AHRR: variants seen among roughly 807,000 people sequenced by gnomAD.
AHRR encodes ahR repressor.
AHRR carries 28 observed loss-of-function variants against 44.0 expected under a neutral mutation model. The ratio of observed to expected loss-of-function variants is 0.64; its 90% CI spans 0.47 to 0.87. AHRR has a LOEUF of 0.87. Among genes scored for constraint, AHRR ranks in the 40% least tolerant of loss-of-function variants. AHRR has a pLI of 0.00. For synonymous variants in AHRR, 434 were observed against 407.0 expected (o/e 1.07, Z -0.80); for missense variants, 990 against 953.9 (o/e 1.04, Z -0.50).
intron 3 of AHRR, among the ~76,000 whole-genome samples, chr5:374,818 A>G (rs961396989): frequency 1.3e-5 from 2 of 152,184 alleles, no homozygotes; most frequent in African/African-American, 2.4e-5. Context: ...GGCTCCCAGT[A>G]TGGCCTTTCT....
rs1284731024 is a variant in AHRR at position 387,824 on chromosome 5, C to T, written c.351+11108C>T. The stretch of plus-strand genomic sequence containing the variant: ...ACTGCAAACTGTGTGGCTCGAACAA[C>T]AGGGGTTATTCTTCACAGCCTGGAG... On this transcript the variant is annotated intron_variant, in intron 4 of 10. Coordinates refer to ENST00000684583, the MANE Select transcript of AHRR (RefSeq NM_001377236.1). This position sits in a 1 kb window ranked among gnomAD's most constrained non-coding sequence, Gnocchi z 5.1. Among the ~76,000 whole-genome samples, 2 of 152,226 alleles carry T rather than the reference C, an allele frequency of 1.3e-5. No individual in the cohort carries two copies. The highest frequency in any genetic ancestry group is 2.9e-5 in the Non-Finnish European group (2 of 68,042).
At chr5:352,698 T>C (rs538567380) in intron 2 of AHRR, among the ~76,000 whole-genome samples, 29 of 147,890 alleles carry the variant, frequency 2.0e-4, no homozygotes, top group African/African-American at 7.0e-4. Flanking sequence ...GGATGGTCAC[T>C]GTGAGGTTAA....
At chr5:377,057 T>C (rs1469710441) in intron 4 of AHRR, among the ~76,000 whole-genome samples, 1 of 152,068 alleles carries the variant, frequency 6.6e-6, no homozygotes. Context: ...AAGCCTTTTT[T>C]CCCCCAAAAT....
At position 370,141 on chromosome 5, in the gene AHRR, TGCCCCGTCCTCCCGGGCCCTCGCTGGAA is replaced by T. The variant is rs1743520132; in HGVS notation, c.245-6442_245-6415del. ...CCCCGTCCTCCCGGGCCCTCGCTGG[TGCCCCGTCCTCCCGGGCCCTCGCTGGAA>T]GCCCCGTCCTCCCGGGCCCTCGCTG... On this transcript the variant is annotated intron_variant, in intron 3 of 10. Transcript: ENST00000684583. The surrounding 1 kb of genome is among the most constrained non-coding windows in gnomAD (Gnocchi z 4.5). Among the ~76,000 whole-genome samples, 2 of 105,214 alleles carry T rather than the reference TGCCCCGTCCTCCCGGGCCCTCGCTGGAA, an allele frequency of 1.9e-5. No individual in the cohort carries two copies. The highest frequency in any genetic ancestry group is 4.2e-5 in the Non-Finnish European group (2 of 47,930). 69.0% of individuals were successfully genotyped at this position (105,214 alleles called of 152,430 possible). A position where few individuals can be genotyped will look rare whatever the true frequency, so the allele number is the denominator to read the frequency against.
At chr5:374,253 GC>G (rs1743699426) in intron 3 of AHRR, among the ~76,000 whole-genome samples, 1 of 152,086 alleles carries the variant, frequency 6.6e-6, no homozygotes, top group South Asian at 2.1e-4. Context: ...TCTGTGTGGG[GC>G]CGCTCCTGCC....
In AHRR at chr5:432,897, G is replaced by C. The variant is rs751393057; in HGVS notation, c.1062G>C (p.Leu354=). The C allele has an allele frequency of 1.2e-6, 2 of 1,613,548 alleles. No individual in the cohort carries two copies. Among genetic ancestry groups the C allele is most frequent in the East Asian group, 4.5e-5 (2 of 44,886 alleles). Residue 354 remains leucine, a synonymous_variant, in exon 10 of 11, where the codon CTG becomes CTC. Coordinates refer to ENST00000684583, the MANE Select transcript of AHRR (RefSeq NM_001377236.1). ...AGGTTCCCGCCAGGGCCCCATGCCT[G>C]TGCCTCCGGGGTGGCCCTGACCTTG... The part of the protein sequence containing the change: ...WAQVPARAPC[L]CLRGGPDLVL...
intron 3 of AHRR, among the ~76,000 whole-genome samples, chr5:371,366 A>G (rs1743576095): frequency 6.6e-6 from 1 of 152,182 alleles, no homozygotes; most frequent in Non-Finnish European, 1.5e-5. Context: ...CTGTGTCCTC[A>G]TTAGTTCGAG....
chr5:377,299 A>T (rs761728986), intron 4 of AHRR, among the ~76,000 whole-genome samples: 5 of 152,174 alleles, frequency 3.3e-5, no homozygotes, highest in Non-Finnish European at 7.4e-5. Flanking sequence ...CCTAAACAAG[A>T]TAAGATGGTG....
At chr5:331,598 A>G (rs1722729432) in intron 1 of AHRR, among the ~76,000 whole-genome samples, 1 of 152,112 alleles carries the variant, frequency 6.6e-6, no homozygotes, top group Non-Finnish European at 1.5e-5. Flanking sequence ...TAGACATTTA[A>G]TACTATAAAC....
At position 429,241 on chromosome 5, in the gene AHRR, G is replaced by T. The variant is rs763750525; in HGVS notation, c.908+1235G>T. ...AGATCCAACTTCCTCTCAGAGAATCGTGCAGGAGTGAGGTAGGGCTGGGCC... is the reference window on the plus strand; with the variant it reads ...AGATCCAACTTCCTCTCAGAGAATCTTGCAGGAGTGAGGTAGGGCTGGGCC... On this transcript the variant is annotated intron_variant, in intron 8 of 10. Coordinates refer to ENST00000684583, the MANE Select transcript of AHRR (RefSeq NM_001377236.1). Among the ~76,000 whole-genome samples, 3 of 151,498 alleles carry T rather than the reference G, an allele frequency of 2.0e-5. No homozygotes were observed. The East Asian group carries it at 5.8e-4, about 29-fold the overall frequency.
In AHRR at chr5:342,246, G is replaced by A. The variant is rs1056677811; in HGVS notation, c.-10-1647G>A. Among the ~76,000 whole-genome samples the A allele has an allele frequency of 2.0e-5, 3 of 152,018 alleles. No individual in the cohort carries two copies. Among genetic ancestry groups the A allele is most frequent in the African/African-American group, 7.2e-5 (3 of 41,394 alleles). On this transcript the variant is annotated intron_variant, in intron 1 of 10. Transcript: ENST00000684583. This position sits in a 1 kb window ranked among gnomAD's most constrained non-coding sequence, Gnocchi z 4.3. ...GTATCCTTACTGATTTTATTTACTT[G>A]TTCTATTGATCACTGAGATAGGAAT...
At chr5:398,561 C>T (rs1734869656) in intron 4 of AHRR, among the ~76,000 whole-genome samples, 1 of 152,226 alleles carries the variant, frequency 6.6e-6, no homozygotes, top group African/African-American at 2.4e-5. Context: ...CCTTGCATCC[C>T]AGGCTCTCCC....
intron 3 of AHRR, among the ~76,000 whole-genome samples, chr5:360,085 G>C (rs1439457070): frequency 2.0e-5 from 3 of 152,128 alleles, no homozygotes; most frequent in Non-Finnish European, 4.4e-5. Flanking sequence ...TTTGTAGGTG[G>C]GTCCGCTTAG....
chr5:367,112 C>T (rs1481253045), intron 3 of AHRR, among the ~76,000 whole-genome samples: 1 of 152,220 alleles, frequency 6.6e-6, no homozygotes, highest in Non-Finnish European at 1.5e-5. Flanking sequence ...GCAGGAGGAA[C>T]AAGGAAAACT....
rs1360263792 is a variant in AHRR at position 395,617 on chromosome 5, C to G, written c.352-17727C>G. 6.6e-6 allele frequency among the ~76,000 whole-genome samples: 1 copy of G among 152,230 alleles called. No homozygotes were observed. Among genetic ancestry groups the G allele is most frequent in the Non-Finnish European group, 1.5e-5 (1 of 68,038 alleles). ...AACAGCCTTGCGTGTCTGGAAGCCCCAAGCCGCTCGGCAGACGGTCATCGG... is the reference window on the plus strand; with the variant it reads ...AACAGCCTTGCGTGTCTGGAAGCCCGAAGCCGCTCGGCAGACGGTCATCGG... On this transcript the variant is annotated intron_variant, in intron 4 of 10. Transcript: ENST00000684583. The surrounding 1 kb of genome is among the most constrained non-coding windows in gnomAD (Gnocchi z 5.3).
intron 2 of AHRR, among the ~76,000 whole-genome samples, chr5:347,166 G>A (rs1413949195): frequency 2.0e-5 from 3 of 152,204 alleles, no homozygotes; most frequent in East Asian, 3.8e-4. Context: ...GTTTAAGAGC[G>A]ATTTGCATTT....
At chr5:391,365 AGCG>A (rs1734425296) in intron 4 of AHRR, among the ~76,000 whole-genome samples, 1 of 109,480 alleles carries the variant, frequency 9.1e-6, no homozygotes, top group African/African-American at 5.3e-5. Context: ...GCAGGGCCAG[AGCG>A]TGCATGGGCG....
In AHRR at chr5:434,074, G is replaced by A; in HGVS notation, c.1334G>A (p.Arg445Lys). 2 of 1,612,864 alleles carry A rather than the reference G, an allele frequency of 1.2e-6. No individual in the cohort carries two copies. Among genetic ancestry groups the A allele is most frequent in the Non-Finnish European group, 1.7e-6 (2 of 1,179,936 alleles). The change falls in exon 11 of 11, where the codon AGG becomes AAG. Residue 445 changes from arginine to lysine, a missense_variant. Physicochemically the swap from Arg to Lys is conservative, Grantham distance 26 (BLOSUM62 2). Coordinates refer to ENST00000684583, the MANE Select transcript of AHRR (RefSeq NM_001377236.1). Reference protein sequence around the residue: ...LPCPCVQGTFRNSPISHPPSP... With the variant: ...LPCPCVQGTFKNSPISHPPSP... ...TGCCCGTGTGTCCAGGGCACTTTCA[G>A]GAACTCGCCCATCTCTCACCCGCCG... is the stretch of plus-strand genomic sequence containing the variant.
chr5:350,877 G>A (rs1199929199), intron 2 of AHRR, among the ~76,000 whole-genome samples: 1 of 151,342 alleles, frequency 6.6e-6, no homozygotes. Flanking sequence ...GGTATCCAGA[G>A]TAGTTAAAGA....
Sources: allele counts gnomAD v4.1 joint callset (sites outside exome capture counted in the v4.1 genomes callset), GRCh38; gene constraint gnomAD v4.1.1; non-coding constraint Gnocchi (gnomAD v3.1); transcripts MANE v1.5; gene names NCBI Gene and HGNC (gene_info 2026-07-23, HGNC 2026-07-21).